SH2D6: variants seen among roughly 807,000 people sequenced by gnomAD.
SH2D6 encodes SH2 domain-containing protein 6.
In SH2D6, 31 loss-of-function variants were observed where a neutral mutation model predicts 30.2. That is an observed-to-expected ratio of 1.03 (90% CI 0.77 to 1.38). The LOEUF is 1.38. SH2D6 is among the 40% of genes most tolerant of loss of function. The pLI, the probability that SH2D6 is intolerant of heterozygous loss-of-function variation, is 0.00. For missense variants in SH2D6, 240 were observed against 266.8 expected, an observed-to-expected ratio of 0.90 and a Z score of 0.70; for synonymous variants, 93 against 104.6, an observed-to-expected ratio of 0.89 and a Z score of 0.68.
In SH2D6 at chr2:85,434,389, G is replaced by C. The variant is rs1027492231; in HGVS notation, c.564+19G>C. On this transcript the variant is annotated intron_variant, in intron 18 of 23. Transcript: ENST00000469800. ...TCGGAATGTAAGAGGCTGATGGTCAGGGGAGAAGAGAGGGAGGCAGGGAGG... is the reference window on the plus strand; with the variant it reads ...TCGGAATGTAAGAGGCTGATGGTCACGGGAGAAGAGAGGGAGGCAGGGAGG... 1 of 1,550,554 alleles carries C rather than the reference G, an allele frequency of 6.4e-7. No individual in the cohort carries two copies. The highest frequency in any genetic ancestry group is 8.7e-7 in the Non-Finnish European group (1 of 1,146,932).
intron 21 of SH2D6, 36 bp downstream of exon 21, chr2:85,435,532 C>G: frequency 6.2e-7 from 1 of 1,606,224 alleles, no homozygotes; most frequent in East Asian, 2.2e-5. Flanking sequence ...TCTCCAAAAC[C>G]CCTTTTGCTC....
intron 19 of SH2D6, chr2:85,434,721 TC>T: frequency 7.0e-7 from 1 of 1,428,844 alleles, no homozygotes; most frequent in Non-Finnish European, 9.2e-7. Context: ...CCAGACTCCC[TC>T]AGGCCCCAAG....
chr2:85,434,330 C>G lies in SH2D6; in HGVS notation c.534-10C>G. The G allele has an allele frequency of 6.5e-7, 1 of 1,542,596 alleles. No homozygotes were observed. The highest frequency in any genetic ancestry group is 8.8e-7 in the Non-Finnish European group (1 of 1,141,588). On this transcript the variant is annotated splice_polypyrimidine_tract_variant and intron_variant, in intron 17 of 23. Coordinates refer to ENST00000469800, the MANE Select transcript of SH2D6 (RefSeq NM_001394463.1). The stretch of plus-strand genomic sequence containing the variant: ...ACCCTGAGTTCTGTCCCCCGATTTG[C>G]TTCCCACAGGCCTACCACAGCCCCC...
rs906391338 is a variant in SH2D6, at chr2:85,434,461, C to G, written c.565-12C>G. On this transcript the variant is annotated splice_polypyrimidine_tract_variant and intron_variant, in intron 18 of 23. Transcript: ENST00000469800. ...GGCCCGGCCTCTTCTGATCAGACCTCCTGTATGCCAGGGAACAGCAGATGC... is the reference window on the plus strand; with the variant it reads ...GGCCCGGCCTCTTCTGATCAGACCTGCTGTATGCCAGGGAACAGCAGATGC... The G allele has an allele frequency of 1.9e-6, 3 of 1,550,344 alleles. No homozygotes were observed. In the African/African-American group the frequency reaches 4.1e-5, roughly 21 times the overall value.
intron 14 of SH2D6, among the ~76,000 whole-genome samples, chr2:85,432,732 C>T (rs544504412): frequency 6.6e-6 from 1 of 152,234 alleles, no homozygotes; most frequent in East Asian, 1.9e-4. Context: ...GACAAGATTT[C>T]ACCATGTTGG....
In SH2D6 at chr2:85,430,808, T is replaced by C. The variant is rs991660099; in HGVS notation, c.250+156T>C. ...CTGGCAGTCACCAGGGCCTCTTGGC[T>C]GGGCAGGGAGAGAGAGAGGGATGAA... On this transcript the variant is annotated intron_variant, in intron 12 of 23. Transcript: ENST00000469800. This position sits in a 1 kb window ranked among gnomAD's most constrained non-coding sequence, Gnocchi z 4.3. Among the ~76,000 whole-genome samples, 1 of 89,158 alleles carries C rather than the reference T, an allele frequency of 1.1e-5. No homozygotes were observed. The highest frequency in any genetic ancestry group is 4.4e-5 in the African/African-American group (1 of 22,532). 58.5% of individuals were successfully genotyped at this position (89,158 alleles called of 152,430 possible). A position where few individuals can be genotyped will look rare whatever the true frequency, so the allele number is the denominator to read the frequency against.
intron 6 of SH2D6, among the ~76,000 whole-genome samples, chr2:85,428,105 C>T (rs1688219579): frequency 6.6e-6 from 1 of 152,230 alleles, no homozygotes. Context: ...CACCAGGCCC[C>T]AGCCCTCCTT....
intron 22 of SH2D6, 111 bp downstream of exon 22, chr2:85,435,935 G>A: frequency 7.3e-7 from 1 of 1,369,492 alleles, no homozygotes; most frequent in Non-Finnish European, 9.6e-7. Flanking sequence ...TTTCTGGGGT[G>A]GGCAGAAATG....
chr2:85,435,993 G>C (rs910567211), intron 22 of SH2D6, among the ~76,000 whole-genome samples, 169 bp downstream of exon 22: 1 of 152,228 alleles, frequency 6.6e-6, no homozygotes, highest in South Asian at 2.1e-4. Context: ...GCCCTCTGGT[G>C]GGGGAGGTGC....
chr2:85,425,574 A>C lies in SH2D6; in HGVS notation c.-209+167A>C, dbSNP rs11883437. 2.2e-3 allele frequency among the ~76,000 whole-genome samples: 342 copies of C among 152,274 alleles called. 2 individuals are homozygous for C. Among genetic ancestry groups the C allele is most frequent in the African/African-American group, 7.8e-3 (326 of 41,566 alleles). On this transcript the variant is annotated intron_variant, in intron 6 of 23. Coordinates refer to ENST00000469800, the MANE Select transcript of SH2D6 (RefSeq NM_001394463.1). ...TGAGCCACCACGCCCGGCCGGATTA[A>C]AGTTCTTAACTGAAAGTAAGAGAAA...
intron 16 of SH2D6, 28 bp from the exon 17 acceptor site, chr2:85,434,005 G>C (rs1028924696): frequency 1.4e-5 from 22 of 1,543,460 alleles, no homozygotes; most frequent in Non-Finnish European, 1.9e-5. Context: ...GTGCTCAGCC[G>C]AGCCCAGCCT....
At chr2:85,423,644 G>A (rs1687837820) in intron 5 of SH2D6, among the ~76,000 whole-genome samples, 1 of 152,218 alleles carries the variant, frequency 6.6e-6, no homozygotes, top group African/African-American at 2.4e-5. Flanking sequence ...GAGGGATGGG[G>A]CAGAGGCCTC....
intron 15 of SH2D6, among the ~76,000 whole-genome samples, chr2:85,433,353 G>A (rs558470355): frequency 3.9e-5 from 6 of 152,220 alleles, no homozygotes; most frequent in East Asian, 3.8e-4. Context: ...GCCCATGGGC[G>A]CCTCTGAAGG....
intron 2 of SH2D6, chr2:85,421,549 T>TG (rs1687751144): frequency 6.6e-6 from 1 of 152,260 alleles, no homozygotes; most frequent in Non-Finnish European, 1.5e-5. Context: ...GCCTGCTGTG[T>TG]GCCAGACTGT....
chr2:85,432,567 A>AT lies in SH2D6; in HGVS notation c.371-526dup, dbSNP rs1688858149. On this transcript the variant is annotated intron_variant, in intron 14 of 23. Transcript: ENST00000469800. ...AGGCGCCCGCTACCACGCCCGGCTA[A>AT]TTTTTTGTATTTTTAGTAGAGACGG... 4.0e-5 allele frequency among the ~76,000 whole-genome samples: 6 copies of AT among 151,554 alleles called. No individual in the cohort carries two copies. The South Asian group carries it at 1.0e-3, about 26-fold the overall frequency.
chr2:85,432,679 C>T (rs1688885308), intron 14 of SH2D6, among the ~76,000 whole-genome samples: 2 of 152,246 alleles, frequency 1.3e-5, no homozygotes, highest in Admixed American at 6.5e-5. Context: ...GGATTACAGG[C>T]GTGAGCCACC....
intron 22 of SH2D6, among the ~76,000 whole-genome samples, chr2:85,436,103 CTT>C (rs1179500711): frequency 6.6e-6 from 1 of 152,128 alleles, no homozygotes; most frequent in East Asian, 1.9e-4. Context: ...TCTTCAGACT[CTT>C]GTCTACCTCC....
intron 16 of SH2D6, 45 bp from the exon 17 acceptor site, chr2:85,433,988 C>T: frequency 6.7e-7 from 1 of 1,499,270 alleles, no homozygotes; most frequent in South Asian, 1.2e-5. Flanking sequence ...CATGGATTCC[C>T]TGCCTGGTGC....
rs1056441852 is a variant in SH2D6 at position 85,430,104 on chromosome 2, C to G, written c.64+89C>G. On this transcript the variant is annotated intron_variant, in intron 10 of 23. Transcript: ENST00000469800. This position sits in a 1 kb window ranked among gnomAD's most constrained non-coding sequence, Gnocchi z 4.3. ...CTGAGTGACTCTGCACACCTCCTGC[C>G]TCCCAGAGCCCAGCACTGCTGAGTC... is the stretch of plus-strand genomic sequence containing the variant. The G allele has an allele frequency of 5.2e-5, 8 of 152,650 alleles. No individual in the cohort carries two copies. The highest frequency in any genetic ancestry group is 1.9e-4 in the African/African-American group (8 of 41,460). 9.5% of individuals were successfully genotyped at this position (152,650 alleles called of 1,614,324 possible).
Sources: allele counts gnomAD v4.1 joint callset (sites outside exome capture counted in the v4.1 genomes callset), GRCh38; gene constraint gnomAD v4.1.1; non-coding constraint Gnocchi (gnomAD v3.1); transcripts MANE v1.5; gene names NCBI Gene and HGNC (gene_info 2026-07-23, HGNC 2026-07-21).